Variants in ADGRL2 observed in about 807,000 individuals in gnomAD.
ADGRL2 encodes adhesion G protein-coupled receptor L2, also known as calcium-independent alpha-latrotoxin receptor 2.
ADGRL2 carries 44 observed loss-of-function variants against 157.4 expected under a neutral mutation model. That is an observed-to-expected ratio of 0.28 (90% CI 0.22 to 0.36). The LOEUF (loss-of-function observed/expected upper bound fraction) is 0.36. Among genes scored for constraint, ADGRL2 ranks in the 10% least tolerant of loss-of-function variants. The pLI is 1.00. For synonymous variants in ADGRL2, 585 were observed against 624.7 expected (o/e 0.94, Z 0.95); for missense variants, 1,510 against 1,768.9 (o/e 0.85, Z 2.63).
Position 81,924,626 on chromosome 1 carries a change from A to G in ADGRL2, c.288-12102A>G, listed in dbSNP as rs189674910. 5.6e-4 allele frequency among the ~76,000 whole-genome samples: 85 copies of G among 152,208 alleles called. 2 individuals are homozygous for G. The highest frequency in any genetic ancestry group is 2.0e-3 in the African/African-American group (84 of 41,536). ...TTAGTATATTGCACCTATATTAATG[A>G]AGAATTATATTAGATCGGTGATTTT... On this transcript the variant is annotated intron_variant, in intron 3 of 23. Transcript: ENST00000686636.
chr1:81,868,368 GCAAAGTGAACTTT>G (rs1468196630), intron 2 of ADGRL2, among the ~76,000 whole-genome samples: 6 of 151,968 alleles, frequency 3.9e-5, no homozygotes, highest in Non-Finnish European at 7.4e-5. Flanking sequence ...CCATAGCTTA[GCAAAGTGAACTTT>G]GTGAAATATA....
At chr1:81,769,280 C>A (rs61775264) in intron 2 of ADGRL2, among the ~76,000 whole-genome samples, 21,666 of 151,894 alleles carry the variant, frequency 0.14, 1,819 homozygotes, top group South Asian at 0.21. Context: ...TTGCTTGTAT[C>A]CTGCATTTCC....
chr1:81,320,883 C>G (rs1306679392), intron 1 of ADGRL2, among the ~76,000 whole-genome samples: 1 of 152,192 alleles, frequency 6.6e-6, no homozygotes, highest in East Asian at 1.9e-4. Context: ...TTGCTTTAGC[C>G]TCTAACAAAG....
intron 2 of ADGRL2, chr1:81,502,621 G>A (rs1040273374): frequency 8.1e-5 from 131 of 1,613,880 alleles, no homozygotes; most frequent in Non-Finnish European, 1.1e-4. Flanking sequence ...GCCTAAACCT[G>A]CCCACATCCA....
At chr1:81,485,177 CAAA>C (rs59279416) in intron 2 of ADGRL2, among the ~76,000 whole-genome samples, 6 of 100,158 alleles carry the variant, frequency 6.0e-5, no homozygotes, top group East Asian at 4.6e-4. Flanking sequence ...TTGAAAAGCA[CAAA>C]AAAAAAAAAA....
At chr1:81,720,741 T>C (rs1337452815) in intron 1 of ADGRL2, among the ~76,000 whole-genome samples, 1 of 152,066 alleles carries the variant, frequency 6.6e-6, no homozygotes, top group Non-Finnish European at 1.5e-5. Context: ...GGAAGTAGGC[T>C]ACACCAAAAT....
intron 1 of ADGRL2, among the ~76,000 whole-genome samples, chr1:81,425,330 C>T (rs576754038): frequency 6.6e-6 from 1 of 152,208 alleles, no homozygotes; most frequent in South Asian, 2.1e-4. Context: ...TACCAGTTCT[C>T]ACTTATTTGT....
chr1:81,827,007 G>A (rs2091544907), intron 1 of ADGRL2, among the ~76,000 whole-genome samples: 1 of 150,024 alleles, frequency 6.7e-6, no homozygotes. Flanking sequence ...AAATTTTAAG[G>A]AACAGTAGAC....
At chr1:81,673,902 A>G (rs1282731794) in intron 3 of ADGRL2, among the ~76,000 whole-genome samples, 2 of 152,212 alleles carry the variant, frequency 1.3e-5, no homozygotes, top group Admixed American at 1.3e-4. Context: ...TCAAATCATT[A>G]TAATGTCAGT....
chr1:81,912,063 AT>A (rs200749186), intron 3 of ADGRL2, among the ~76,000 whole-genome samples: 29 of 149,150 alleles, frequency 1.9e-4, no homozygotes, highest in African/African-American at 2.7e-4. Flanking sequence ...TGTTTCTTTT[AT>A]TTTTTTTTAT....
At chr1:81,703,105 T>G (rs1260193039) in intron 1 of ADGRL2, among the ~76,000 whole-genome samples, 1 of 152,126 alleles carries the variant, frequency 6.6e-6, no homozygotes, top group East Asian at 1.9e-4. Flanking sequence ...GAGTCAGCAA[T>G]GATTAGGTCA....
At chr1:81,502,561 G>T (rs2078877253) in intron 2 of ADGRL2, 1 of 1,613,944 alleles carries the variant, frequency 6.2e-7, no homozygotes, top group African/African-American at 1.3e-5. Context: ...CCGAGAAGGG[G>T]GGCCTGGTGG....
intron 22 of ADGRL2, chr1:81,987,360 A>G (rs1454902083): frequency 7.2e-7 from 1 of 1,397,398 alleles, no homozygotes; most frequent in Non-Finnish European, 1.0e-6. Flanking sequence ...TCTATATAAT[A>G]TACTGTTCAG....
chr1:81,556,085 A>T (rs1174086028), intron 2 of ADGRL2, among the ~76,000 whole-genome samples: 1 of 152,108 alleles, frequency 6.6e-6, no homozygotes. Context: ...TAATATTACT[A>T]CACTAACCCA....
At chr1:81,785,844 A>G (rs1320712856) in intron 2 of ADGRL2, among the ~76,000 whole-genome samples, 3 of 151,936 alleles carry the variant, frequency 2.0e-5, no homozygotes, top group Non-Finnish European at 4.4e-5. Flanking sequence ...GTAGTGGCTC[A>G]CACCTGTAAT....
intron 2 of ADGRL2, among the ~76,000 whole-genome samples, chr1:81,768,800 G>A (rs957614568): frequency 5.9e-5 from 9 of 152,082 alleles, no homozygotes; most frequent in African/African-American, 2.2e-4. Context: ...TAAAAATTAG[G>A]CCAGGCGATG....
chr1:81,624,431 A>AT (rs897353820), intron 3 of ADGRL2, among the ~76,000 whole-genome samples: 14 of 151,932 alleles, frequency 9.2e-5, no homozygotes, highest in Non-Finnish European at 1.5e-4. Flanking sequence ...AAATACAAAA[A>AT]TTAGCCAGGC....
intron 1 of ADGRL2, among the ~76,000 whole-genome samples, chr1:81,401,311 C>G (rs1244870822): frequency 2.6e-5 from 4 of 152,180 alleles, no homozygotes; most frequent in Non-Finnish European, 5.9e-5. Flanking sequence ...GGAGTTCACA[C>G]AGGCAGGGGA....
At chr1:81,676,275 C>T (rs2082987396) in intron 3 of ADGRL2, among the ~76,000 whole-genome samples, 1 of 152,106 alleles carries the variant, frequency 6.6e-6, no homozygotes, top group East Asian at 1.9e-4. Context: ...TCCCAAAGTG[C>T]TGGGCTTACA....
Sources: gnomAD v4.1 joint callset for allele counts (sites outside exome capture counted in the v4.1 genomes callset) on GRCh38, gnomAD v4.1.1 for gene constraint, MANE v1.5 for transcripts, NCBI Gene and HGNC (gene_info 2026-07-23, HGNC 2026-07-21) for gene names.